FHIT: variants seen among roughly 807,000 people sequenced by gnomAD.
FHIT encodes the protein fragile histidine triad diadenosine triphosphatase.
Under a neutral mutation model 17.9 loss-of-function variants are expected in FHIT, and 19 were observed. That is an observed-to-expected ratio of 1.06 (90% CI 0.74 to 1.56). The LOEUF (loss-of-function observed/expected upper bound fraction) is 1.56, where lower values mean the gene tolerates loss of function less well. FHIT is among the 40% of genes most tolerant of loss of function. FHIT has a pLI of 0.00. For missense variants in FHIT, 248 were observed against 189.2 expected, an observed-to-expected ratio of 1.31 and a Z score of -1.82; for synonymous variants, 81 against 69.7, an observed-to-expected ratio of 1.16 and a Z score of -0.81.
chr3:60,523,704 A>G (rs2035463410), intron 5 of FHIT, among the ~76,000 whole-genome samples: 1 of 152,206 alleles, frequency 6.6e-6, no homozygotes, highest in South Asian at 2.1e-4. Context: ...CCCTTCTGTT[A>G]GATTTCTCTC....
At chr3:60,124,321 G>T (rs74649850) in intron 5 of FHIT, among the ~76,000 whole-genome samples, 2 of 151,576 alleles carry the variant, frequency 1.3e-5, no homozygotes, top group South Asian at 2.1e-4. Context: ...GCTCAGAAAG[G>T]CTTATTTCTT....
intron 4 of FHIT, among the ~76,000 whole-genome samples, chr3:60,752,904 A>C (rs2042498065): frequency 6.6e-6 from 1 of 152,168 alleles, no homozygotes; most frequent in South Asian, 2.1e-4. Context: ...AAATTTCAAA[A>C]TAGAGATCTC....
At chr3:60,090,054 C>CA (rs562917193) in intron 5 of FHIT, among the ~76,000 whole-genome samples, 12 of 152,016 alleles carry the variant, frequency 7.9e-5, no homozygotes, top group Non-Finnish European at 1.6e-4. Context: ...ATTCCTAATA[C>CA]AAAAAAGTGA....
At chr3:59,782,272 G>C (rs964525557) in intron 8 of FHIT, among the ~76,000 whole-genome samples, 3 of 151,542 alleles carry the variant, frequency 2.0e-5, no homozygotes, top group African/African-American at 7.3e-5. Context: ...TGTCTAATCA[G>C]AGTTTTTTTT....
At position 60,669,336 on chromosome 3, in the gene FHIT, A is replaced by G. The variant is rs192317872; in HGVS notation, c.-17-132357T>C. Among the ~76,000 whole-genome samples, 304 of 152,332 alleles carry G rather than the reference A, an allele frequency of 2.0e-3. 4 individuals are homozygous for G. Among genetic ancestry groups the G allele is most frequent in the Middle Eastern group, 0.014 (4 of 294 alleles). Reference sequence around the variant, plus strand: ...GTGATTTACAGAAACCTGGTTCAGAACATAGGCTCACTTGGTCATCACTTC... The same window carrying G: ...GTGATTTACAGAAACCTGGTTCAGAGCATAGGCTCACTTGGTCATCACTTC... On this transcript the variant is annotated intron_variant, in intron 4 of 9. Coordinates refer to ENST00000492590, the MANE Select transcript of FHIT (RefSeq NM_002012.4).
intron 3 of FHIT, among the ~76,000 whole-genome samples, chr3:60,900,739 A>G (rs1264267727): frequency 6.6e-6 from 1 of 152,208 alleles, no homozygotes; most frequent in Non-Finnish European, 1.5e-5. Context: ...ATCAGAATTC[A>G]TTATAATTTC....
At chr3:60,592,600 C>G (rs114618139) in intron 4 of FHIT, among the ~76,000 whole-genome samples, 223 of 152,260 alleles carry the variant, frequency 1.5e-3, no homozygotes, top group African/African-American at 5.0e-3. Flanking sequence ...GCCTGGGCAG[C>G]AGGATGGAGG....
chr3:60,810,004 G>A (rs1357341507), intron 4 of FHIT, among the ~76,000 whole-genome samples: 6 of 152,168 alleles, frequency 3.9e-5, no homozygotes, highest in Admixed American at 2.0e-4. Context: ...CTGTCAGAAA[G>A]GATTAACCCA....
At chr3:60,879,351 C>A (rs1010903482) in intron 3 of FHIT, among the ~76,000 whole-genome samples, 8 of 152,286 alleles carry the variant, frequency 5.3e-5, no homozygotes, top group African/African-American at 1.7e-4. Context: ...TACCACTGAA[C>A]CTACCTGGAA....
In FHIT at chr3:60,520,217, CT is replaced by C. The variant is rs568207260; in HGVS notation, c.103+16642del. On this transcript the variant is annotated intron_variant, in intron 5 of 9. Transcript: ENST00000492590. ...CATATATTAATGACATACATTTATT[CT>C]TTTTTTAGATATTTCTAGCTAGTTT... Among the ~76,000 whole-genome samples the C allele has an allele frequency of 2.1e-4, 32 of 151,882 alleles. 1 individual carries two copies. The highest frequency in any genetic ancestry group is 1.7e-3 in the East Asian group (9 of 5,166).
At chr3:60,982,088 C>T (rs572244017) in intron 3 of FHIT, among the ~76,000 whole-genome samples, 52 of 152,326 alleles carry the variant, frequency 3.4e-4, no homozygotes, top group African/African-American at 9.4e-4. Context: ...GTTCATTCTG[C>T]ACAAAGCAGC....
intron 3 of FHIT, chr3:60,856,737 C>T (rs1703402904): frequency 6.6e-6 from 1 of 152,532 alleles, no homozygotes; most frequent in South Asian, 2.1e-4. Flanking sequence ...TTGTCCATCC[C>T]TGCCTGCCTC....
At chr3:61,232,709 G>A (rs887144952) in intron 1 of FHIT, among the ~76,000 whole-genome samples, 4 of 152,174 alleles carry the variant, frequency 2.6e-5, no homozygotes, top group Non-Finnish European at 5.9e-5. Context: ...ACAGGACTAG[G>A]AAATTAAGAT....
At chr3:60,639,187 G>C (rs1280514206) in intron 4 of FHIT, among the ~76,000 whole-genome samples, 2 of 151,434 alleles carry the variant, frequency 1.3e-5, no homozygotes, top group African/African-American at 4.9e-5. Flanking sequence ...GTAGAAAGCA[G>C]CAGCTAGAGC....
intron 5 of FHIT, among the ~76,000 whole-genome samples, chr3:60,496,485 A>G (rs768532278): frequency 6.6e-6 from 1 of 152,174 alleles, no homozygotes; most frequent in African/African-American, 2.4e-5. Flanking sequence ...AAACACTTAA[A>G]AAGTGTGCCA....
At chr3:60,033,348 G>C (rs888299807) in intron 5 of FHIT, among the ~76,000 whole-genome samples, 1 of 152,016 alleles carries the variant, frequency 6.6e-6, no homozygotes, top group African/African-American at 2.4e-5. Context: ...ATACAAATCA[G>C]CCGGGCGTGG....
rs9861639 is a variant in FHIT at position 60,362,272 on chromosome 3, C to T, written c.103+174588G>A. Among the ~76,000 whole-genome samples, 266 of 152,202 alleles carry T rather than the reference C, an allele frequency of 1.7e-3. 2 individuals are homozygous for T. Among genetic ancestry groups the T allele is most frequent in the African/African-American group, 6.3e-3 (261 of 41,546 alleles). The stretch of plus-strand genomic sequence containing the variant: ...ACAATACAATTTTATTAACTCCAGT[C>T]CTCACATTATACATTTTAGATCTTT... On this transcript the variant is annotated intron_variant, in intron 5 of 9. Transcript: ENST00000492590.
intron 5 of FHIT, among the ~76,000 whole-genome samples, chr3:60,428,664 G>C (rs1446163731): frequency 6.6e-6 from 1 of 152,152 alleles, no homozygotes; most frequent in East Asian, 1.9e-4. Flanking sequence ...GCAAGTGACA[G>C]GGGTAAATGC....
rs147816608 is a variant in FHIT at position 61,088,396 on chromosome 3, G to T, written c.-163-46297C>A. Among the ~76,000 whole-genome samples the T allele has an allele frequency of 5.9e-3, 901 of 152,252 alleles. 5 individuals carry two copies. Among genetic ancestry groups the T allele is most frequent in the African/African-American group, 7.9e-3 (330 of 41,552 alleles). ...AGCTAATTACAAATTAAATATAATT[G>T]AATCAGTGAGTCTGCTTTCAAGTCC... On this transcript the variant is annotated intron_variant, in intron 2 of 9. Transcript: ENST00000492590.
Sources: allele counts gnomAD v4.1 joint callset (sites outside exome capture counted in the v4.1 genomes callset), GRCh38; gene constraint gnomAD v4.1.1; transcripts MANE v1.5; gene names NCBI Gene and HGNC (gene_info 2026-07-23, HGNC 2026-07-21).